The following NOTCH2NLC variants were observed in gnomAD, a reference collection of about 807,000 sequenced individuals.
NOTCH2NLC encodes the protein notch 2 N-terminal like C, also known as notch homolog 2 N-terminal-like protein C.
A neutral mutation model predicts 17.7 loss-of-function variants in NOTCH2NLC; 4 were observed. The observed-to-expected ratio is 0.23, with a 90% CI of 0.11 to 0.52. The LOEUF (loss-of-function observed/expected upper bound fraction) is 0.52, where lower values mean the gene tolerates loss of function less well. Ranked by LOEUF, NOTCH2NLC falls within the 20% of genes least tolerant of loss-of-function variation. NOTCH2NLC has a pLI of 0.96. For missense variants in NOTCH2NLC, 57 were observed against 207.2 expected, an observed-to-expected ratio of 0.28 and a Z score of 4.45; for synonymous variants, 18 against 86.0, an observed-to-expected ratio of 0.21 and a Z score of 4.38.
chr1:149,430,405 T>C (rs1171511110), intron 1 of NOTCH2NLC, among the ~76,000 whole-genome samples: 1 of 141,186 alleles, frequency 7.1e-6, no homozygotes, highest in Admixed American at 7.3e-5. Flanking sequence ...TTTTTCTGGA[T>C]CCTAATTTTG....
At chr1:149,417,492 G>T (rs1163326371) in intron 1 of NOTCH2NLC, among the ~76,000 whole-genome samples, 1 of 151,318 alleles carries the variant, frequency 6.6e-6, no homozygotes, top group Non-Finnish European at 1.5e-5. Context: ...CTTGTGCTCT[G>T]GTCCTGGTTC....
intron 1 of NOTCH2NLC, among the ~76,000 whole-genome samples, chr1:149,398,116 A>G (rs2084218807): frequency 6.6e-6 from 1 of 151,014 alleles, no homozygotes; most frequent in Admixed American, 6.6e-5. Context: ...TTGGGAGTAA[A>G]CTTCAGGTCT....
chr1:149,429,372 A>T (rs1438851974), intron 1 of NOTCH2NLC, among the ~76,000 whole-genome samples: 2 of 149,690 alleles, frequency 1.3e-5, no homozygotes, highest in Non-Finnish European at 3.0e-5. Context: ...CTTGGTGGTT[A>T]AGGGCAGAGT....
chr1:149,410,200 G>A (rs1484607677), intron 1 of NOTCH2NLC, among the ~76,000 whole-genome samples: 1,902 of 138,906 alleles, frequency 0.014, 72 homozygotes, highest in Non-Finnish European at 0.021. Flanking sequence ...CCAAAGCCAG[G>A]TCTTCTATCT....
intron 1 of NOTCH2NLC, among the ~76,000 whole-genome samples, chr1:149,419,733 T>A (rs2084367931): frequency 6.7e-6 from 1 of 150,048 alleles, no homozygotes; most frequent in Non-Finnish European, 1.5e-5. Flanking sequence ...CCATTATTAT[T>A]TTTTTCTGTT....
At chr1:149,416,450 C>CT (rs2084335732) in intron 1 of NOTCH2NLC, among the ~76,000 whole-genome samples, 1 of 65,524 alleles carries the variant, frequency 1.5e-5, no homozygotes, top group Non-Finnish European at 3.0e-5. Context: ...TTTTCACTAA[C>CT]TTAACTGCAG....
At chr1:149,461,598 C>T (rs1424357901) in intron 3 of NOTCH2NLC, among the ~76,000 whole-genome samples, 2 of 151,240 alleles carry the variant, frequency 1.3e-5, no homozygotes, top group African/African-American at 2.4e-5. Flanking sequence ...GGAGTATTAA[C>T]AAATTCAAGG....
rs1199710576 is a variant in NOTCH2NLC at position 149,435,471 on chromosome 1, A to G, written c.209+4456A>G. ...TGTTCTGCCCTTAGTCCGATGACAC[A>G]AATCTTAGTCATGAGATAGGGCTCT... On this transcript the variant is annotated intron_variant, in intron 2 of 4. Transcript: ENST00000650865. Among the ~76,000 whole-genome samples the G allele has an allele frequency of 2.0e-5, 3 of 149,194 alleles. 1 individual carries two copies. The highest frequency in any genetic ancestry group is 4.5e-5 in the Non-Finnish European group (3 of 67,254).
In NOTCH2NLC at chr1:149,441,078, A is replaced by G. The variant is rs1268195123; in HGVS notation, c.209+10063A>G. Among the ~76,000 whole-genome samples the G allele has an allele frequency of 5.4e-5, 8 of 149,526 alleles. 1 individual carries two copies. The East Asian group carries it at 1.4e-3, about 26-fold the overall frequency. On this transcript the variant is annotated intron_variant, in intron 2 of 4. Coordinates refer to ENST00000650865, the MANE Select transcript of NOTCH2NLC (RefSeq NM_001364013.2). ...GGCTTGTGGCCATGTTTTGCGAGGAAAATCAGAATCTAAGAATCTCTAAGG... is the reference window on the plus strand; with the variant it reads ...GGCTTGTGGCCATGTTTTGCGAGGAGAATCAGAATCTAAGAATCTCTAAGG...
chr1:149,462,153 A>T (rs2084654202), intron 3 of NOTCH2NLC, among the ~76,000 whole-genome samples: 1 of 149,756 alleles, frequency 6.7e-6, no homozygotes, highest in Admixed American at 6.7e-5. Context: ...TAATAATTCA[A>T]GGAGTTCTCA....
At chr1:149,416,862 GGCATGT>G (rs2084338265) in intron 1 of NOTCH2NLC, among the ~76,000 whole-genome samples, 1 of 139,994 alleles carries the variant, frequency 7.1e-6, no homozygotes, top group Non-Finnish European at 1.6e-5. Flanking sequence ...TAGTCATTAG[GGCATGT>G]GTATGAGTGG....
chr1:149,430,637 G>A (rs2084443390), intron 1 of NOTCH2NLC, among the ~76,000 whole-genome samples: 2 of 145,452 alleles, frequency 1.4e-5, no homozygotes, highest in Non-Finnish European at 3.1e-5. Flanking sequence ...GATGTGTCAT[G>A]TCATAGATGG....
At chr1:149,443,545 G>T (rs1251545777) in intron 2 of NOTCH2NLC, among the ~76,000 whole-genome samples, 1 of 150,262 alleles carries the variant, frequency 6.7e-6, no homozygotes, top group Non-Finnish European at 1.5e-5. Flanking sequence ...GAACAGAGGG[G>T]GTGTCAAGGC....
intron 1 of NOTCH2NLC, among the ~76,000 whole-genome samples, chr1:149,393,577 C>T (rs2084188042): frequency 1.3e-5 from 2 of 148,272 alleles, no homozygotes; most frequent in Non-Finnish European, 3.0e-5. Context: ...GGACCATCCT[C>T]TTGCTCCTTG....
intron 2 of NOTCH2NLC, among the ~76,000 whole-genome samples, chr1:149,454,731 C>G (rs2084607228): frequency 6.6e-6 from 1 of 150,746 alleles, no homozygotes; most frequent in Non-Finnish European, 1.5e-5. Flanking sequence ...ATGTCAGCCA[C>G]CTGAACATAA....
At chr1:149,436,898 ATAGAG>A (rs2084485902) in intron 2 of NOTCH2NLC, among the ~76,000 whole-genome samples, 1 of 122,482 alleles carries the variant, frequency 8.2e-6, no homozygotes, top group East Asian at 2.5e-4. Flanking sequence ...AATACCTCTC[ATAGAG>A]TAATCTTTTC....
At chr1:149,412,638 C>G (rs1201330348) in intron 1 of NOTCH2NLC, among the ~76,000 whole-genome samples, 1 of 146,998 alleles carries the variant, frequency 6.8e-6, no homozygotes, top group Non-Finnish European at 1.5e-5. Context: ...GGCAAAACCC[C>G]GTCTCTACTG....
At chr1:149,454,302 G>A (rs1193182450) in intron 2 of NOTCH2NLC, among the ~76,000 whole-genome samples, 1 of 42,512 alleles carries the variant, frequency 2.4e-5, no homozygotes, top group African/African-American at 9.5e-5. Context: ...ATATATAGCA[G>A]CATTTATAGT....
At chr1:149,400,112 T>TTATATATATATATATATATATATA (rs1213013864) in intron 1 of NOTCH2NLC, among the ~76,000 whole-genome samples, 1 of 138,784 alleles carries the variant, frequency 7.2e-6, no homozygotes, top group African/African-American at 2.6e-5. Context: ...GTTGATTTAT[T>TTATATATATATATATATATATATA]TATATATATA....
Sources: gnomAD v4.1 joint callset for allele counts (sites outside exome capture counted in the v4.1 genomes callset) on GRCh38, gnomAD v4.1.1 for gene constraint, MANE v1.5 for transcripts, NCBI Gene and HGNC (gene_info 2026-07-23, HGNC 2026-07-21) for gene names.